SBNO1: variants seen among roughly 807,000 people sequenced by gnomAD.
The protein encoded by SBNO1 is strawberry notch homolog 1.
In SBNO1, 23 loss-of-function variants were observed where a neutral mutation model predicts 173.6. The ratio of observed to expected loss-of-function variants is 0.13; its 90% CI spans 0.10 to 0.19. The LOEUF (loss-of-function observed/expected upper bound fraction) is 0.19, where lower values mean the gene tolerates loss of function less well. SBNO1 is among the 10% of genes least tolerant of loss of function. SBNO1 has a pLI of 1.00. For missense variants in SBNO1, 1,238 were observed against 1,671.2 expected (o/e 0.74, Z 4.52); for synonymous variants, 632 against 571.5 (o/e 1.11, Z -1.51).
intron 16 of SBNO1, 38 bp from the exon 17 acceptor site, chr12:123,321,770 C>CAATG (rs757046355): frequency 2.6e-6 from 4 of 1,532,544 alleles, no homozygotes; most frequent in Non-Finnish European, 3.6e-6. Flanking sequence ...AGCCCAAATT[C>CAATG]AATGTTTCTT....
chr12:123,359,466 G>C (rs1056733602), intron 1 of SBNO1, among the ~76,000 whole-genome samples: 2 of 151,462 alleles, frequency 1.3e-5, no homozygotes, highest in African/African-American at 4.8e-5. Flanking sequence ...AGATGCTGAG[G>C]TGGGAGAATC....
At chr12:123,296,497 C>T (rs1002106185) in intron 31 of SBNO1, among the ~76,000 whole-genome samples, 5 of 151,840 alleles carry the variant, frequency 3.3e-5, no homozygotes, top group African/African-American at 1.2e-4. Context: ...AACTTTAAGT[C>T]CTGCATGTAG....
intron 4 of SBNO1, 44 bp from the exon 5 acceptor site, chr12:123,341,132 ACTTATT>A: frequency 8.7e-7 from 1 of 1,154,630 alleles, no homozygotes; most frequent in South Asian, 1.4e-5. Context: ...AAAATTCTGA[ACTTATT>A]TTCCCATTAT....
Position 123,310,381 on chromosome 12 carries a change from C to T in SBNO1, c.3296-525G>A, listed in dbSNP as rs2049022698. On this transcript the variant is annotated intron_variant, in intron 25 of 31. Coordinates refer to ENST00000602398, the MANE Select transcript of SBNO1 (RefSeq NM_001167856.3). ...CCTGAGTAGCTGGGATTACAGGCGC[C>T]CGCCACTATGCCTGGATAATTTTTG... Among the ~76,000 whole-genome samples, 2 of 151,782 alleles carry T rather than the reference C, an allele frequency of 1.3e-5. 1 individual carries two copies. The highest frequency in any genetic ancestry group is 1.3e-4 in the Admixed American group (2 of 15,212).
In SBNO1 at chr12:123,317,207, T is replaced by C; in HGVS notation, c.2935+14A>G. ...AGCTATCCATTAAGTGAAATCCAGT[T>C]TGTAGGAACTTACCGAACTGTTGAA... On this transcript the variant is annotated intron_variant, in intron 21 of 31. Transcript: ENST00000602398. 6.2e-7 allele frequency: 1 copy of C among 1,613,516 alleles called. No homozygotes were observed. The highest frequency in any genetic ancestry group is 8.5e-7 in the Non-Finnish European group (1 of 1,179,602).
chr12:123,349,370 G>A (rs955448897), intron 2 of SBNO1, among the ~76,000 whole-genome samples: 4 of 152,058 alleles, frequency 2.6e-5, no homozygotes, highest in African/African-American at 9.7e-5. Context: ...CCTAAGTGCT[G>A]GGATTACTGG....
chr12:123,311,842 C>T (rs1868607613), intron 24 of SBNO1, among the ~76,000 whole-genome samples: 1 of 151,094 alleles, frequency 6.6e-6, no homozygotes, highest in Admixed American at 6.6e-5. Flanking sequence ...CTCAAGGGAT[C>T]CTCCCACCTC....
chr12:123,356,863 G>A (rs1008321971), intron 1 of SBNO1, among the ~76,000 whole-genome samples: 1 of 152,260 alleles, frequency 6.6e-6, no homozygotes, highest in East Asian at 1.9e-4. Context: ...AAATGTGCAC[G>A]GATACTATCA....
At chr12:123,356,039 T>C (rs1874424190) in intron 1 of SBNO1, among the ~76,000 whole-genome samples, 1 of 152,030 alleles carries the variant, frequency 6.6e-6, no homozygotes, top group Non-Finnish European at 1.5e-5. Context: ...AAAACCAATC[T>C]CTACAGCTCT....
chr12:123,319,476 C>T (rs548945138), intron 20 of SBNO1, among the ~76,000 whole-genome samples: 2 of 151,680 alleles, frequency 1.3e-5, no homozygotes, highest in Admixed American at 6.6e-5. Context: ...GGTGCGATCT[C>T]GGCTCACTGC....
In SBNO1 at chr12:123,327,687, TA is replaced by T. The variant is rs1230463718; in HGVS notation, c.1538+19del. 1 of 1,595,368 alleles carries T rather than the reference TA, an allele frequency of 6.3e-7. No individual in the cohort carries two copies. Among genetic ancestry groups the T allele is most frequent in the Non-Finnish European group, 8.6e-7 (1 of 1,163,092 alleles). ...TCTTAGATTGCTACTGAGAAGAGTA[TA>T]TACCGTAAACTGCATTACCTCCGTT... On this transcript the variant is annotated intron_variant, in intron 12 of 31. Transcript: ENST00000602398.
rs765645521 is a variant in SBNO1, at chr12:123,345,459, T to C, written c.349A>G (p.Thr117Ala). Reference sequence around the variant, plus strand: ...TGGATAAACTTAGTTAAAGTGATGGTTTGCCTGTTGGTTGTTACAGGTGGT... The same window carrying C: ...TGGATAAACTTAGTTAAAGTGATGGCTTGCCTGTTGGTTGTTACAGGTGGT... The part of the protein sequence containing the change: ...KTPPVTTNRQ[T>A]ITLTKFIQTT... Residue 117 changes from threonine (T) to alanine (A), a missense_variant, in exon 4 of 32, where the codon ACC (threonine) becomes GCC (alanine). Physicochemically the swap from Thr to Ala is moderately conservative, Grantham distance 58 (BLOSUM62 0). Transcript: ENST00000602398. The C allele has an allele frequency of 3.1e-6, 5 of 1,614,182 alleles. No individual in the cohort carries two copies. In the Admixed American group the frequency reaches 8.3e-5, roughly 27 times the overall value.
intron 7 of SBNO1, among the ~76,000 whole-genome samples, chr12:123,333,120 T>A (rs1481739715): frequency 4.5e-4 from 12 of 26,714 alleles, no homozygotes; most frequent in African/African-American, 1.9e-3. Flanking sequence ...TGAGACTCCA[T>A]CTCAAAAAAA....
intron 4 of SBNO1, among the ~76,000 whole-genome samples, chr12:123,341,460 T>C (rs114474998): frequency 0.088 from 13,352 of 152,070 alleles, 1,640 homozygotes; most frequent in African/African-American, 0.28. Flanking sequence ...AAAATAAAAA[T>C]AAAAAACCCA....
intron 1 of SBNO1, among the ~76,000 whole-genome samples, chr12:123,357,624 G>A (rs986152125): frequency 1.1e-4 from 8 of 71,376 alleles, no homozygotes; most frequent in Non-Finnish European, 1.9e-4. Flanking sequence ...GCCTGGTGGC[G>A]GGTGCCTGTA....
intron 1 of SBNO1, among the ~76,000 whole-genome samples, chr12:123,359,840 G>T (rs539083370): frequency 2.0e-5 from 3 of 152,112 alleles, no homozygotes; most frequent in Non-Finnish European, 2.9e-5. Flanking sequence ...ACAACAAATT[G>T]CATCTGTCAA....
chr12:123,353,482 A>C (rs935556726), intron 1 of SBNO1, among the ~76,000 whole-genome samples: 6 of 152,100 alleles, frequency 3.9e-5, no homozygotes, highest in African/African-American at 1.4e-4. Context: ...TTAAAATTGG[A>C]GGGGGAATAA....
chr12:123,357,124 T>C (rs902940232), intron 1 of SBNO1, among the ~76,000 whole-genome samples: 1 of 152,222 alleles, frequency 6.6e-6, no homozygotes, highest in African/African-American at 2.4e-5. Flanking sequence ...ACAAAGAAGT[T>C]AGTTTACAAG....
intron 4 of SBNO1, 87 bp from the exon 5 acceptor site, chr12:123,341,175 T>C (rs1872521867): frequency 2.7e-6 from 2 of 754,354 alleles, no homozygotes; most frequent in East Asian, 2.8e-5. Flanking sequence ...TTAAGGCTGC[T>C]GCGGTGGCTC....
Sources: allele counts gnomAD v4.1 joint callset (sites outside exome capture counted in the v4.1 genomes callset), GRCh38; gene constraint gnomAD v4.1.1; transcripts MANE v1.5; gene names NCBI Gene and HGNC (gene_info 2026-07-23, HGNC 2026-07-21).